Variants in CSGALNACT1 observed in about 807,000 individuals in gnomAD.
CSGALNACT1 encodes chondroitin sulfate N-acetylgalactosaminyltransferase 1.
A neutral mutation model predicts 51.0 loss-of-function variants in CSGALNACT1; 52 were observed. The observed-to-expected ratio is 1.02, with a 90% CI of 0.82 to 1.29. CSGALNACT1 has a LOEUF of 1.29. Among genes scored for constraint, CSGALNACT1 ranks in the 50% most tolerant of loss-of-function variants. CSGALNACT1 has a pLI of 0.00. For synonymous variants in CSGALNACT1, 341 were observed against 254.4 expected (o/e 1.34, Z -3.24); for missense variants, 935 against 679.2 (o/e 1.38, Z -4.19).
chr8:19,530,790 G>T (rs968717258), intron 3 of CSGALNACT1, among the ~76,000 whole-genome samples: 1 of 152,190 alleles, frequency 6.6e-6, no homozygotes, highest in African/African-American at 2.4e-5. Context: ...CTATTTACCT[G>T]AAGTCACAGA....
chr8:19,600,073 CCATTCATT>C (rs145377849), intron 2 of CSGALNACT1, among the ~76,000 whole-genome samples: 6 of 152,054 alleles, frequency 3.9e-5, no homozygotes, highest in East Asian at 1.9e-4. Context: ...TTGCTGCTCA[CCATTCATT>C]CATTCATTCA....
chr8:19,677,194 G>A (rs1461282619), intron 1 of CSGALNACT1, among the ~76,000 whole-genome samples: 1 of 151,942 alleles, frequency 6.6e-6, no homozygotes, highest in Admixed American at 6.6e-5. Flanking sequence ...CTGCAGCCTT[G>A]AGTTTTTGGG....
chr8:19,520,002 G>A (rs1449064854), intron 3 of CSGALNACT1, among the ~76,000 whole-genome samples: 1 of 152,212 alleles, frequency 6.6e-6, no homozygotes, highest in African/African-American at 2.4e-5. Flanking sequence ...CCACTCTGAT[G>A]AGTTCATGGA....
intron 1 of CSGALNACT1, among the ~76,000 whole-genome samples, chr8:19,622,356 T>C (rs1054786013): frequency 2.0e-5 from 3 of 152,228 alleles, no homozygotes; most frequent in African/African-American, 7.2e-5. Context: ...CTTCACTCAA[T>C]AGTGTACTTG....
chr8:19,643,676 G>A (rs1320991343), intron 1 of CSGALNACT1, among the ~76,000 whole-genome samples: 1 of 151,634 alleles, frequency 6.6e-6, no homozygotes, highest in African/African-American at 2.4e-5. Flanking sequence ...CTTTAAAGTA[G>A]TGAAAATGTT....
chr8:19,427,960 C>A (rs1378167773), intron 6 of CSGALNACT1, among the ~76,000 whole-genome samples: 3 of 152,030 alleles, frequency 2.0e-5, no homozygotes, highest in African/African-American at 7.3e-5. Flanking sequence ...GCAGTCTCAT[C>A]GTAGGTGTAG....
At chr8:19,585,108 G>A (rs2046343863) in intron 3 of CSGALNACT1, 1 of 152,194 alleles carries the variant, frequency 6.6e-6, no homozygotes, top group African/African-American at 2.4e-5. Flanking sequence ...ATACATGAGA[G>A]AATTACATAC....
chr8:19,561,627 C>G (rs2958559), intron 3 of CSGALNACT1, among the ~76,000 whole-genome samples: 1 of 152,238 alleles, frequency 6.6e-6, no homozygotes, highest in Non-Finnish European at 1.5e-5. Flanking sequence ...TGCAGGCCTT[C>G]TCTCCCTTTA....
intron 1 of CSGALNACT1, among the ~76,000 whole-genome samples, chr8:19,643,193 C>G (rs1392153481): frequency 3.3e-5 from 5 of 151,944 alleles, no homozygotes; most frequent in Admixed American, 3.3e-4. Flanking sequence ...TAAAAATCAG[C>G]AAATTAAACA....
intron 1 of CSGALNACT1, among the ~76,000 whole-genome samples, chr8:19,642,654 C>T (rs1022710264): frequency 2.0e-5 from 3 of 151,954 alleles, no homozygotes; most frequent in African/African-American, 4.8e-5. Flanking sequence ...TGGTGGCACA[C>T]ACACACCTGT....
At chr8:19,696,218 GA>G (rs2061575103) in intron 1 of CSGALNACT1, among the ~76,000 whole-genome samples, 1 of 152,186 alleles carries the variant, frequency 6.6e-6, no homozygotes, top group Admixed American at 6.5e-5. Context: ...TTGACAATGT[GA>G]AAAAGATTCT....
At chr8:19,540,029 A>C (rs1717581622) in intron 3 of CSGALNACT1, among the ~76,000 whole-genome samples, 1 of 152,210 alleles carries the variant, frequency 6.6e-6, no homozygotes, top group African/African-American at 2.4e-5. Flanking sequence ...CCAAAGACAC[A>C]GAGAGAGTAG....
At chr8:19,454,484 A>C (rs756511146) in intron 5 of CSGALNACT1, among the ~76,000 whole-genome samples, 68 of 152,198 alleles carry the variant, frequency 4.5e-4, no homozygotes, top group Non-Finnish European at 6.5e-4. Flanking sequence ...CAGCCTGACC[A>C]ACGTGGTGAA....
intron 1 of CSGALNACT1, among the ~76,000 whole-genome samples, chr8:19,660,879 C>T (rs181262207): frequency 7.9e-4 from 121 of 152,202 alleles, no homozygotes; most frequent in Middle Eastern, 3.4e-3. Context: ...TGACCTCATT[C>T]TATGGCACAA....
intron 3 of CSGALNACT1, among the ~76,000 whole-genome samples, chr8:19,569,960 T>C (rs1016422379): frequency 2.0e-5 from 3 of 152,198 alleles, no homozygotes; most frequent in Non-Finnish European, 4.4e-5. Flanking sequence ...AGATATACTC[T>C]ATGATGCTAT....
intron 2 of CSGALNACT1, among the ~76,000 whole-genome samples, chr8:19,599,824 A>G (rs186155874): frequency 2.6e-4 from 40 of 152,330 alleles, no homozygotes; most frequent in African/African-American, 9.6e-4. Flanking sequence ...ACCAGACTTG[A>G]AAGAAACCAA....
chr8:19,652,603 A>C (rs2057911773), intron 1 of CSGALNACT1, among the ~76,000 whole-genome samples: 1 of 151,988 alleles, frequency 6.6e-6, no homozygotes, highest in Non-Finnish European at 1.5e-5. Flanking sequence ...ACACCACAAA[A>C]CATAATGAGC....
chr8:19,414,068 C>G (rs927312204), intron 8 of CSGALNACT1, among the ~76,000 whole-genome samples: 1 of 152,204 alleles, frequency 6.6e-6, no homozygotes, highest in African/African-American at 2.4e-5. Flanking sequence ...ACCTTGTGTT[C>G]AGTGACGTCA....
upstream of CSGALNACT1, among the ~76,000 whole-genome samples, chr8:19,605,366 G>C (rs2051221937): frequency 2.0e-5 from 3 of 152,332 alleles, 1 homozygote; most frequent in Middle Eastern, 3.4e-3. Flanking sequence ...AATCTAGGAG[G>C]TGGAGGTCGC....
Sources: allele counts gnomAD v4.1 joint callset (sites outside exome capture counted in the v4.1 genomes callset), GRCh38; gene constraint gnomAD v4.1.1; transcripts MANE v1.5; gene names NCBI Gene and HGNC (gene_info 2026-07-23, HGNC 2026-07-21).